Variants in MLLT1 observed in about 807,000 individuals in gnomAD.
MLLT1 encodes the protein protein ENL.
MLLT1 carries 11 observed loss-of-function variants against 55.1 expected under a neutral mutation model. The observed-to-expected ratio is 0.20, with a 90% CI of 0.13 to 0.33. The LOEUF (loss-of-function observed/expected upper bound fraction) is 0.33, where lower values mean the gene tolerates loss of function less well. Ranked by LOEUF, MLLT1 falls within the 10% of genes least tolerant of loss-of-function variation. MLLT1 has a pLI of 1.00. For missense variants in MLLT1, 536 were observed against 760.6 expected (o/e 0.70, Z 3.47); for synonymous variants, 323 against 320.1 (o/e 1.01, Z -0.10).
intron 8 of MLLT1, 113 bp from the exon 9 acceptor site, chr19:6,214,151 C>G (rs963453634): frequency 1.9e-6 from 1 of 516,332 alleles, no homozygotes. Context: ...CCACACACCC[C>G]CAACAGCTCC....
Position 6,222,633 on chromosome 19 carries a change from C to T in MLLT1, c.598G>A (p.Glu200Lys), listed in dbSNP as rs1407800287. ...KTSKPHKVTKEHRERPRKDSE... is the reference protein window; with the variant it reads ...KTSKPHKVTKKHRERPRKDSE... ...TCTTTGCGGGGCCGCTCCCGGTGCT[C>T]CTTGGTCACCTTGTGTGGCTTGGAG... Residue 200 changes from glutamate to lysine, a missense_variant, in exon 6 of 12, where the codon GAG becomes AAG. Coordinates refer to ENST00000252674, the MANE Select transcript of MLLT1 (RefSeq NM_005934.4). This position sits in a 1 kb window ranked among gnomAD's most constrained non-coding sequence, Gnocchi z 4.1. 6.3e-7 allele frequency: 1 copy of T among 1,583,718 alleles called. No individual in the cohort carries two copies.
At chr19:6,245,900 C>T (rs2091163607) in intron 3 of MLLT1, among the ~76,000 whole-genome samples, 1 of 151,384 alleles carries the variant, frequency 6.6e-6, no homozygotes. Context: ...GGCCCTGTCT[C>T]AAAACAGACA....
intron 1 of MLLT1, among the ~76,000 whole-genome samples, chr19:6,278,238 G>A (rs1457257008): frequency 6.6e-6 from 1 of 152,230 alleles, no homozygotes. Flanking sequence ...GGGCAGCAGA[G>A]GAGGAGGAAG....
At chr19:6,249,801 T>G (rs1478085197) in intron 3 of MLLT1, among the ~76,000 whole-genome samples, 1 of 151,966 alleles carries the variant, frequency 6.6e-6, no homozygotes, top group African/African-American at 2.4e-5. Context: ...GGTGGGCGGA[T>G]CGCTTGAGCT....
At chr19:6,214,147 AC>A (rs1193126130) in intron 8 of MLLT1, 109 bp from the exon 9 acceptor site, 2 of 504,910 alleles carry the variant, frequency 4.0e-6, no homozygotes. Flanking sequence ...GAGCCCACAC[AC>A]CCCCAACAGC....
At chr19:6,269,680 T>G (rs917374561) in intron 2 of MLLT1, among the ~76,000 whole-genome samples, 3 of 152,174 alleles carry the variant, frequency 2.0e-5, no homozygotes, top group Admixed American at 1.3e-4. Context: ...ACACCCACGC[T>G]TGTGCACGGC....
intron 6 of MLLT1, among the ~76,000 whole-genome samples, chr19:6,220,992 T>A (rs1266361209): frequency 2.6e-5 from 4 of 152,184 alleles, no homozygotes; most frequent in Admixed American, 1.3e-4. Flanking sequence ...AGCCCATGTG[T>A]CTATGAGCCA....
intron 3 of MLLT1, among the ~76,000 whole-genome samples, chr19:6,242,025 C>T (rs893512496): frequency 1.8e-4 from 27 of 152,214 alleles, no homozygotes; most frequent in African/African-American, 6.5e-4. Flanking sequence ...GAGGGAGTTG[C>T]TTGCAGAAGC....
In MLLT1 at chr19:6,211,908, C is replaced by G. The variant is rs2090776534; in HGVS notation, c.*1134G>C. The G allele has an allele frequency of 9.4e-7, 1 of 1,064,798 alleles. No individual in the cohort carries two copies. The highest frequency in any genetic ancestry group is 1.1e-6 in the Non-Finnish European group (1 of 878,924). The allele number at this position is 1,064,798 out of a possible 1,614,324, so 66.0% of individuals were successfully genotyped here. ...TGCGGCGGTGGAGGCCGGGGCGGGC[C>G]AGGCCGCGACCAGAGAGAAAGGCAG... is the stretch of plus-strand genomic sequence containing the variant. On this transcript the variant is annotated 3_prime_UTR_variant, in exon 12 of 12. Transcript: ENST00000252674. The surrounding 1 kb of genome is among the most constrained non-coding windows in gnomAD (Gnocchi z 4.6).
chr19:6,264,145 T>C (rs2091327503), intron 2 of MLLT1, among the ~76,000 whole-genome samples: 1 of 151,944 alleles, frequency 6.6e-6, no homozygotes, highest in Non-Finnish European at 1.5e-5. Flanking sequence ...AAAGCGGTTA[T>C]TAAAAAAAAA....
In MLLT1 at chr19:6,212,244, G is replaced by T; in HGVS notation, c.*798C>A. The T allele has an allele frequency of 1.9e-6, 2 of 1,065,770 alleles. No individual in the cohort carries two copies. Among genetic ancestry groups the T allele is most frequent in the Non-Finnish European group, 2.3e-6 (2 of 879,436 alleles). The allele number at this position is 1,065,770 out of a possible 1,614,324, so 66.0% of individuals were successfully genotyped here. ...CTGAGGACTCGCTGCCCTTTGTAGT[G>T]TTGGCTGACCCCCCCGGGAGCCCCG... is the stretch of plus-strand genomic sequence containing the variant. On this transcript the variant is annotated 3_prime_UTR_variant, in exon 12 of 12. Transcript: ENST00000252674.
In MLLT1 at chr19:6,261,887, C is replaced by T. The variant is rs182374759; in HGVS notation, c.276+341G>A. On this transcript the variant is annotated intron_variant, in intron 3 of 11. Coordinates refer to ENST00000252674, the MANE Select transcript of MLLT1 (RefSeq NM_005934.4). Reference sequence around the variant, plus strand: ...ATTTCCTGATCTCAGTCACTACACACGGCCCGGTTATTAACCCTCTAGGAC... The same window carrying T: ...ATTTCCTGATCTCAGTCACTACACATGGCCCGGTTATTAACCCTCTAGGAC... 8.7e-4 allele frequency among the ~76,000 whole-genome samples: 133 copies of T among 152,270 alleles called. 2 individuals carry two copies. The highest frequency in any genetic ancestry group is 5.7e-4 in the Non-Finnish European group (39 of 68,018).
chr19:6,210,827 T>C lies in MLLT1; in HGVS notation c.*2215A>G, dbSNP rs2090760232. 1 of 229,434 alleles carries C rather than the reference T, an allele frequency of 4.4e-6. No homozygotes were observed. The highest frequency in any genetic ancestry group is 2.2e-5 in the African/African-American group (1 of 45,020). The allele number at this position is 229,434 out of a possible 1,614,324, so 14.2% of individuals were successfully genotyped here. A position where few individuals can be genotyped will look rare whatever the true frequency, so the allele number is the denominator to read the frequency against. On this transcript the variant is annotated 3_prime_UTR_variant, in exon 12 of 12. Coordinates refer to ENST00000252674, the MANE Select transcript of MLLT1 (RefSeq NM_005934.4). This position sits in a 1 kb window ranked among gnomAD's most constrained non-coding sequence, Gnocchi z 4.6. ...CTGGGGATGCTGCCTTGGGAGCCCATGCTGCCCAGCACGTCCATCAGGTGG... is the reference window on the plus strand; with the variant it reads ...CTGGGGATGCTGCCTTGGGAGCCCACGCTGCCCAGCACGTCCATCAGGTGG...
intron 1 of MLLT1, among the ~76,000 whole-genome samples, chr19:6,271,494 C>G (rs2091394911): frequency 6.6e-6 from 1 of 152,216 alleles, no homozygotes; most frequent in South Asian, 2.1e-4. Flanking sequence ...CCAGCTCCCT[C>G]CGCTGAGCAC....
rs1025789106 is a variant in MLLT1, at chr19:6,230,175, G to A, written c.420+395C>T. Reference sequence around the variant, plus strand: ...CCCTGGTCCCAGAGCTGGCACTGTCGTCTGGCCTCCCGAAGTCAGAGGTGA... The same window carrying A: ...CCCTGGTCCCAGAGCTGGCACTGTCATCTGGCCTCCCGAAGTCAGAGGTGA... On this transcript the variant is annotated intron_variant, in intron 4 of 11. Coordinates refer to ENST00000252674, the MANE Select transcript of MLLT1 (RefSeq NM_005934.4). This position sits in a 1 kb window ranked among gnomAD's most constrained non-coding sequence, Gnocchi z 9.0. Among the ~76,000 whole-genome samples, 2 of 152,206 alleles carry A rather than the reference G, an allele frequency of 1.3e-5. No homozygotes were observed. Among genetic ancestry groups the A allele is most frequent in the Non-Finnish European group, 2.9e-5 (2 of 68,034 alleles).
At position 6,222,023 on chromosome 19, in the gene MLLT1, T is replaced by C; in HGVS notation, c.1110+98A>G. On this transcript the variant is annotated intron_variant, in intron 6 of 11. Transcript: ENST00000252674. This position sits in a 1 kb window ranked among gnomAD's most constrained non-coding sequence, Gnocchi z 4.1. The stretch of plus-strand genomic sequence containing the variant: ...GAGGAGCAGCTGGTGAGACCTGAGG[T>C]CCTGGCTCAGATCCCACCTCCTTCC... 4 of 1,046,192 alleles carry C rather than the reference T, an allele frequency of 3.8e-6. No individual in the cohort carries two copies. Among genetic ancestry groups the C allele is most frequent in the Non-Finnish European group, 5.1e-6 (4 of 777,270 alleles). 64.8% of individuals were successfully genotyped at this position (1,046,192 alleles called of 1,614,324 possible). A position where few individuals can be genotyped will look rare whatever the true frequency, so the allele number is the denominator to read the frequency against.
intron 3 of MLLT1, among the ~76,000 whole-genome samples, chr19:6,252,604 C>A (rs142820211): frequency 6.6e-6 from 1 of 152,248 alleles, no homozygotes; most frequent in African/African-American, 2.4e-5. Flanking sequence ...GCGAAATGTA[C>A]AGCTGTAAAC....
In MLLT1 at chr19:6,229,458, C is replaced by T. The variant is rs1471433663; in HGVS notation, c.420+1112G>A. On this transcript the variant is annotated intron_variant, in intron 4 of 11. Transcript: ENST00000252674. This position sits in a 1 kb window ranked among gnomAD's most constrained non-coding sequence, Gnocchi z 5.2. ...CTCCCCAGCCTGACACCCACAGCCA[C>T]GGTGCCCCAAATCCACTCAGGAGGC... Among the ~76,000 whole-genome samples, 3 of 152,056 alleles carry T rather than the reference C, an allele frequency of 2.0e-5. No individual in the cohort carries two copies. Among genetic ancestry groups the T allele is most frequent in the Non-Finnish European group, 4.4e-5 (3 of 68,002 alleles).
In MLLT1 at chr19:6,270,814, C is replaced by T. The variant is rs373587676; in HGVS notation, c.13-55G>A. 2 of 1,519,458 alleles carry T rather than the reference C, an allele frequency of 1.3e-6. No individual in the cohort carries two copies. The highest frequency in any genetic ancestry group is 2.8e-5 in the African/African-American group (2 of 72,614). 94.1% of individuals were successfully genotyped at this position (1,519,458 alleles called of 1,614,324 possible). ...TCAGCACACGCCTCCAAGCAGGGGA[C>T]TGTCCCCTTACCCACAGAGAACTTT... On this transcript the variant is annotated intron_variant, in intron 1 of 11. Transcript: ENST00000252674. This position sits in a 1 kb window ranked among gnomAD's most constrained non-coding sequence, Gnocchi z 7.1.
Sources: gnomAD v4.1 joint callset for allele counts (sites outside exome capture counted in the v4.1 genomes callset) on GRCh38, gnomAD v4.1.1 for gene constraint, Gnocchi (gnomAD v3.1) non-coding constraint, MANE v1.5 for transcripts, NCBI Gene and HGNC (gene_info 2026-07-23, HGNC 2026-07-21) for gene names.